NUP98: variants seen among roughly 807,000 people sequenced by gnomAD.
NUP98 encodes the protein nucleoporin 98 and 96 precursor, also known as nuclear pore complex protein Nup98-Nup96.
A neutral mutation model predicts 191.9 loss-of-function variants in NUP98; 26 were observed. That is an observed-to-expected ratio of 0.14 (90% CI 0.10 to 0.19). NUP98 has a LOEUF of 0.19. Among genes scored for constraint, NUP98 ranks in the 10% least tolerant of loss-of-function variants. The probability of loss-of-function intolerance (pLI) is 1.00; values close to 1 mark genes in which losing one functional copy is unlikely to be tolerated. For missense variants in NUP98, 1,941 were observed against 2,178.8 expected (o/e 0.89, Z 2.17); for synonymous variants, 808 against 778.4 (o/e 1.04, Z -0.63).
At chr11:3,751,963 G>A (rs375769821) in intron 11 of NUP98, among the ~76,000 whole-genome samples, 35 of 151,714 alleles carry the variant, frequency 2.3e-4, no homozygotes, top group African/African-American at 7.3e-4. Context: ...GGATCACGAC[G>A]TCAGGAGTTC....
At chr11:3,779,129 C>A (rs1001704821) in intron 3 of NUP98, 27 bp downstream of exon 3, 1 of 1,612,908 alleles carries the variant, frequency 6.2e-7, no homozygotes, top group South Asian at 1.1e-5. Context: ...ACAAACAAAC[C>A]AGTTATATCA....
intron 11 of NUP98, 76 bp downstream of exon 11, chr11:3,753,240 A>T: frequency 8.1e-7 from 1 of 1,233,536 alleles, no homozygotes; most frequent in Non-Finnish European, 1.2e-6. Context: ...AACATAATCA[A>T]ACAGATCTCT....
At chr11:3,768,778 A>C in intron 7 of NUP98, 34 bp from the exon 8 acceptor site, 1 of 1,475,744 alleles carries the variant, frequency 6.8e-7, no homozygotes, top group Non-Finnish European at 9.0e-7. Context: ...AGAAAAAAGA[A>C]ATAATAAAAA....
chr11:3,781,185 CAAAAAAA>C (rs34704470), intron 2 of NUP98, among the ~76,000 whole-genome samples: 20 of 69,038 alleles, frequency 2.9e-4, no homozygotes, highest in South Asian at 5.5e-4. Flanking sequence ...GATCCTATCT[CAAAAAAA>C]AAAAAAAAAA....
At chr11:3,797,205 G>C (rs1456229143) in intron 1 of NUP98, among the ~76,000 whole-genome samples, 195 bp downstream of exon 1, 1 of 152,218 alleles carries the variant, frequency 6.6e-6, no homozygotes, top group Non-Finnish European at 1.5e-5. Context: ...TTCTCTCCCA[G>C]GGCCTCCAAA....
chr11:3,686,027 C>T lies in NUP98; in HGVS notation c.4622G>A (p.Ser1541Asn). ...LQASYAGQLE[S>N]EGLWEWAIFV... ...GATGGCCCACTCCCAGAGCCCCTCA[C>T]TTTCAAGCTGGCCAGCGTAACTGGC... Residue 1541 changes from serine to asparagine, a missense_variant, in exon 29 of 33, where the codon AGT becomes AAT. By Grantham distance (46) the Ser-to-Asn change is conservative. Around this residue, in one of 6 missense-constraint regions of NUP98, gnomAD observed 1,030 missense variants for 1,115.8 expected, o/e 0.92. Transcript: ENST00000324932. 1 of 1,614,230 alleles carries T rather than the reference C, an allele frequency of 6.2e-7. No individual in the cohort carries two copies. The highest frequency in any genetic ancestry group is 1.3e-5 in the African/African-American group (1 of 75,070).
rs971908276 is a variant in NUP98, at chr11:3,753,339, C to T, written c.1244G>A (p.Gly415Glu). ...SKPAPGTLGT[G>E]LGAGFGTALG... ...ACCTGTTCCAAATCCTGCACCAAGCCCAGTTCCAAGAGTCCCAGGTGCTGG... is the reference window on the plus strand; with the variant it reads ...ACCTGTTCCAAATCCTGCACCAAGCTCAGTTCCAAGAGTCCCAGGTGCTGG... The change falls in exon 11 of 33, where the codon GGG becomes GAG. Residue 415 changes from glycine (G) to glutamate (E), a missense_variant. This residue lies in a region of NUP98 where 453 missense variants were observed against 438.2 expected (regional missense o/e 1.03). Coordinates refer to ENST00000324932, the MANE Select transcript of NUP98 (RefSeq NM_016320.5). The T allele has an allele frequency of 6.2e-7, 1 of 1,613,910 alleles. No individual in the cohort carries two copies. Among genetic ancestry groups the T allele is most frequent in the African/African-American group, 1.3e-5 (1 of 74,910 alleles).
Position 3,691,458 on chromosome 11 carries a change from G to A in NUP98, c.4343C>T (p.Ser1448Phe), listed in dbSNP as rs775150442. The A allele has an allele frequency of 6.2e-7, 1 of 1,614,146 alleles. No homozygotes were observed. Among genetic ancestry groups the A allele is most frequent in the Non-Finnish European group, 8.5e-7 (1 of 1,180,022 alleles). The change falls in exon 28 of 33, where the codon TCC (serine) becomes TTC (phenylalanine). Residue 1448 changes from serine to phenylalanine, a missense_variant. Physicochemically the swap from Ser to Phe is radical, Grantham distance 155 (BLOSUM62 -2). Around this residue, in one of 6 missense-constraint regions of NUP98, gnomAD observed 1,030 missense variants for 1,115.8 expected, o/e 0.92. Transcript: ENST00000324932. The part of the protein sequence containing the change: ...NTSDSDRYAC[S>F]PLPSYLEGSG... ...ACCCTCCAGATACGAAGGAAGTGGG[G>A]AGCAGGCATATCTGTCACTGTCAGA...
At chr11:3,715,212 T>C (rs1386153495) in intron 18 of NUP98, among the ~76,000 whole-genome samples, 1 of 152,214 alleles carries the variant, frequency 6.6e-6, no homozygotes, top group African/African-American at 2.4e-5. Context: ...AGTGGCACAT[T>C]CTTAGCTCAC....
chr11:3,691,433 A>C lies in NUP98; in HGVS notation c.4368T>G (p.Gly1456=). 6.2e-7 allele frequency: 1 copy of C among 1,614,110 alleles called. No individual in the cohort carries two copies. The highest frequency in any genetic ancestry group is 8.5e-7 in the Non-Finnish European group (1 of 1,180,024). Residue 1456 remains glycine, a synonymous_variant, in exon 28 of 33, where the codon GGT becomes GGG. Transcript: ENST00000324932. ...ACSPLPSYLE[G]SGCVIAEEQN... ...GCTCCTCCGCTATCACACAGCCAGA[A>C]CCCTCCAGATACGAAGGAAGTGGGG...
intron 11 of NUP98, 49 bp from the exon 12 acceptor site, chr11:3,744,698 T>C (rs760380701): frequency 1.1e-5 from 17 of 1,564,100 alleles, no homozygotes; most frequent in Admixed American, 1.0e-4. Context: ...ATCCTTTCAA[T>C]GTTGTGCCAG....
chr11:3,785,799 G>A (rs2082123113), intron 1 of NUP98, among the ~76,000 whole-genome samples: 1 of 151,790 alleles, frequency 6.6e-6, no homozygotes, highest in Non-Finnish European at 1.5e-5. Context: ...ACAGATATTT[G>A]CATTAACTAT....
intron 11 of NUP98, among the ~76,000 whole-genome samples, chr11:3,748,224 A>G (rs1413501587): frequency 6.6e-6 from 1 of 152,208 alleles, no homozygotes; most frequent in African/African-American, 2.4e-5. Context: ...GACATTGCTA[A>G]TCATAACCTA....
chr11:3,735,173 A>G lies in NUP98; in HGVS notation c.1542+18T>C. On this transcript the variant is annotated intron_variant, in intron 13 of 32. Coordinates refer to ENST00000324932, the MANE Select transcript of NUP98 (RefSeq NM_016320.5). The stretch of plus-strand genomic sequence containing the variant: ...CTTTCTTTGATATGATATTTTACAG[A>G]AGTATCCTTAAATTTACCTCTTCCT... 6.5e-7 allele frequency: 1 copy of G among 1,549,836 alleles called. No individual in the cohort carries two copies. Among genetic ancestry groups the G allele is most frequent in the Non-Finnish European group, 8.7e-7 (1 of 1,147,168 alleles).
chr11:3,775,176 G>C (rs276885), intron 5 of NUP98, among the ~76,000 whole-genome samples: 4 of 151,894 alleles, frequency 2.6e-5, no homozygotes, highest in African/African-American at 9.7e-5. Flanking sequence ...GTATTTTTCA[G>C]TGGGTACAGA....
chr11:3,760,217 G>A, intron 10 of NUP98: 1 of 342,674 alleles, frequency 2.9e-6, no homozygotes, highest in Non-Finnish European at 5.3e-6. Context: ...TTGAAACCTG[G>A]CCTCATACAA....
rs2079096361 is a variant in NUP98 at position 3,713,942 on chromosome 11, C to T, written c.2453G>A (p.Cys818Tyr). 2 of 1,613,948 alleles carry T rather than the reference C, an allele frequency of 1.2e-6. No individual in the cohort carries two copies. The highest frequency in any genetic ancestry group is 1.7e-6 in the Non-Finnish European group (2 of 1,179,996). ...GVWPTDKTSR[C>Y]LIKSPDRLAD... Reference sequence around the variant, plus strand: ...AAGGCGATCTGGGCTCTTTATTAAACAACGAGATGTTTTATCTGTTGGCCA... The same window carrying T: ...AAGGCGATCTGGGCTCTTTATTAAATAACGAGATGTTTTATCTGTTGGCCA... Residue 818 changes from cysteine to tyrosine, a missense_variant, in exon 19 of 33, where the codon TGT becomes TAT. This residue lies in a region of NUP98 where 95 missense variants were observed against 139.7 expected (regional missense o/e 0.68). Coordinates refer to ENST00000324932, the MANE Select transcript of NUP98 (RefSeq NM_016320.5).
intron 30 of NUP98, among the ~76,000 whole-genome samples, chr11:3,682,745 T>C (rs532871817): frequency 6.6e-6 from 1 of 152,306 alleles, no homozygotes; most frequent in Admixed American, 6.5e-5. Context: ...AAACATATGT[T>C]GGAAAAATGG....
chr11:3,752,589 G>C (rs531751039), intron 11 of NUP98, among the ~76,000 whole-genome samples: 1 of 151,020 alleles, frequency 6.6e-6, no homozygotes, highest in Admixed American at 6.6e-5. Context: ...ATGATAGAAG[G>C]GGAAAAAAAA....
Sources: allele counts gnomAD v4.1 joint callset (sites outside exome capture counted in the v4.1 genomes callset), GRCh38; gene constraint gnomAD v4.1.1; regional missense constraint gnomAD v4.1.1; transcripts MANE v1.5; gene names NCBI Gene and HGNC (gene_info 2026-07-23, HGNC 2026-07-21).